Variants in TNPO1 observed in about 807,000 individuals in gnomAD.
TNPO1 encodes transportin-1.
A neutral mutation model predicts 119.5 loss-of-function variants in TNPO1; 8 were observed. The ratio of observed to expected loss-of-function variants is 0.07; its 90% confidence interval spans 0.04 to 0.12. The LOEUF is 0.12. Ranked by LOEUF, TNPO1 falls within the 10% of genes least tolerant of loss-of-function variation. The pLI, the probability that TNPO1 is intolerant of heterozygous loss-of-function variation, is 1.00. For synonymous variants in TNPO1, 362 were observed against 363.0 expected, an observed-to-expected ratio of 1.00 and a Z score of 0.03; for missense variants, 576 against 1,089.8, an observed-to-expected ratio of 0.53 and a Z score of 6.64.
At chr5:72,872,591 G>A (rs762915761) in intron 6 of TNPO1, 48 bp from the exon 7 acceptor site, 2 of 1,373,704 alleles carry the variant, frequency 1.5e-6, no homozygotes, top group African/African-American at 2.9e-5. Flanking sequence ...TCTATAGATA[G>A]AACAAAGTTA....
chr5:72,890,231 T>A (rs1053135864), intron 14 of TNPO1, among the ~76,000 whole-genome samples: 5 of 152,210 alleles, frequency 3.3e-5, no homozygotes, highest in Non-Finnish European at 7.3e-5. Flanking sequence ...TAAAAAAGTT[T>A]TTATAATCTG....
At position 72,889,867 on chromosome 5, in the gene TNPO1, A is replaced by G. The variant is rs761566611; in HGVS notation, c.1611A>G (p.Ala537=). 8.7e-6 allele frequency: 14 copies of G among 1,612,968 alleles called. No individual in the cohort carries two copies. The highest frequency in any genetic ancestry group is 5.0e-5 in the Admixed American group (3 of 59,884). The part of the protein sequence containing the change: ...LAYILDTLVF[A]FSKYQHKNLL... ...ATATACTTGATACCCTGGTCTTTGC[A>G]TTTAGTAAATACCAGCATAAGAACC... Residue 537 remains alanine, a synonymous_variant, in exon 14 of 25, where the codon GCA becomes GCG. Transcript: ENST00000337273.
intron 1 of TNPO1, among the ~76,000 whole-genome samples, chr5:72,819,084 A>ATTAT (rs1410635814): frequency 1.3e-5 from 2 of 152,168 alleles, no homozygotes; most frequent in Non-Finnish European, 2.9e-5. Context: ...GAAGAGGTTT[A>ATTAT]TTATTTAGCT....
At chr5:72,900,271 T>C (rs1355789472) in intron 21 of TNPO1, among the ~76,000 whole-genome samples, 190 bp downstream of exon 21, 1 of 152,208 alleles carries the variant, frequency 6.6e-6, no homozygotes, top group Non-Finnish European at 1.5e-5. Flanking sequence ...TTATTTTATG[T>C]TGTGGCTAAC....
In TNPO1 at chr5:72,875,561, T is replaced by C. The variant is rs80134233; in HGVS notation, c.679-54T>C. 4.7e-4 allele frequency: 741 copies of C among 1,572,594 alleles called. No homozygotes were observed. The African/African-American group carries it at 7.3e-3, about 16-fold the overall frequency. On this transcript the variant is annotated intron_variant, in intron 7 of 24. Transcript: ENST00000337273. Reference sequence around the variant, plus strand: ...ATGTCACCAACTTGCAGATTACTTATTACTTGTGTGTAAGCCTTTCTAAAA... The same window carrying C: ...ATGTCACCAACTTGCAGATTACTTACTACTTGTGTGTAAGCCTTTCTAAAA...
intron 20 of TNPO1, among the ~76,000 whole-genome samples, chr5:72,897,854 T>C (rs1485287752): frequency 1.3e-5 from 2 of 152,122 alleles, no homozygotes; most frequent in South Asian, 2.1e-4. Context: ...ATAATTTATT[T>C]ATAATTCAAT....
chr5:72,888,872 CTG>C (rs1264946303), intron 13 of TNPO1, among the ~76,000 whole-genome samples: 13 of 152,244 alleles, frequency 8.5e-5, no homozygotes, highest in Non-Finnish European at 1.5e-5. Flanking sequence ...GGTTTGGTGG[CTG>C]TCTCTTTATA....
chr5:72,817,306 C>T (rs1743739898), intron 1 of TNPO1, among the ~76,000 whole-genome samples: 1 of 152,186 alleles, frequency 6.6e-6, no homozygotes, highest in African/African-American at 2.4e-5. Context: ...GCCTCTTGGC[C>T]TCACGACATG....
intron 22 of TNPO1, among the ~76,000 whole-genome samples, chr5:72,901,770 A>G (rs1053493763): frequency 2.0e-5 from 3 of 152,214 alleles, no homozygotes; most frequent in Non-Finnish European, 2.9e-5. Context: ...GTTTAAGGAA[A>G]AGAAAGCGTG....
chr5:72,872,719 A>G lies in TNPO1; in HGVS notation c.677A>G (p.Glu226Gly). 6.3e-7 allele frequency: 1 copy of G among 1,596,154 alleles called. No homozygotes were observed. The highest frequency in any genetic ancestry group is 8.5e-7 in the Non-Finnish European group (1 of 1,171,992). ...ATGTTGCACATTGATTCTTTTATTG[A>G]GGTAAGACTTGTTCTTGTCTCCCTC... Reference protein sequence around the residue: ...ALMLHIDSFIENLFALAGDEE... With the variant: ...ALMLHIDSFIGNLFALAGDEE... The change falls in exon 7 of 25, where the codon GAG (glutamate) becomes GGG (glycine). Residue 226 changes from glutamate to glycine, a missense_variant and splice_region_variant. By Grantham distance (98) the Glu-to-Gly change is moderately conservative. This residue lies in a region of TNPO1 where 310 missense variants were observed against 583.0 expected (regional missense o/e 0.53). Coordinates refer to ENST00000337273, the MANE Select transcript of TNPO1 (RefSeq NM_002270.4).
chr5:72,847,671 C>T (rs1745192481), intron 1 of TNPO1, among the ~76,000 whole-genome samples: 1 of 152,042 alleles, frequency 6.6e-6, no homozygotes, highest in African/African-American at 2.4e-5. Context: ...AATTTATTTC[C>T]CTTAATAGGA....
chr5:72,868,458 A>AC (rs777811047), intron 6 of TNPO1, among the ~76,000 whole-genome samples: 3,401 of 113,388 alleles, frequency 0.03, 348 homozygotes, highest in Non-Finnish European at 0.054. Context: ...AAAAAAAAAA[A>AC]ACACAAAATA....
intron 7 of TNPO1, among the ~76,000 whole-genome samples, chr5:72,873,420 AGGGGG>A (rs926862046): frequency 6.6e-6 from 1 of 152,104 alleles, no homozygotes; most frequent in African/African-American, 2.4e-5. Context: ...AAGGAAGAGT[AGGGGG>A]GGTTACGTTA....
chr5:72,897,284 T>G (rs1216138128), intron 20 of TNPO1, 133 bp downstream of exon 20: 1 of 608,294 alleles, frequency 1.6e-6, no homozygotes, highest in Non-Finnish European at 2.9e-6. Flanking sequence ...TTTCGGATTT[T>G]CAGTAATGAA....
chr5:72,885,352 T>G (rs1027659277), intron 11 of TNPO1, among the ~76,000 whole-genome samples: 1 of 152,176 alleles, frequency 6.6e-6, no homozygotes, highest in Admixed American at 6.5e-5. Context: ...ACTTTCAGAT[T>G]AGGGGAGCAG....
intron 1 of TNPO1, among the ~76,000 whole-genome samples, chr5:72,836,341 C>T (rs1744693375): frequency 6.6e-6 from 1 of 152,198 alleles, no homozygotes; most frequent in Middle Eastern, 3.2e-3. Context: ...ACAGCTTATG[C>T]ATTCTGTGCA....
intron 1 of TNPO1, among the ~76,000 whole-genome samples, chr5:72,835,166 T>C (rs1283078438): frequency 2.0e-5 from 3 of 152,222 alleles, no homozygotes; most frequent in African/African-American, 7.2e-5. Context: ...TCCCTGTCCT[T>C]AACTGACACA....
rs761760408 is a variant in TNPO1, at chr5:72,882,521, A to G, written c.975A>G (p.Leu325=). 50 of 1,607,970 alleles carry G rather than the reference A, an allele frequency of 3.1e-5. No individual in the cohort carries two copies. Among genetic ancestry groups the G allele is most frequent in the Middle Eastern group, 3.3e-4 (2 of 6,066 alleles). The change falls in exon 10 of 25, where the codon CTA becomes CTG. Residue 325 remains leucine, a synonymous_variant. Coordinates refer to ENST00000337273, the MANE Select transcript of TNPO1 (RefSeq NM_002270.4). ...GMKYSDIDII[L]LKGDVEEDET... ...AGTACTCAGACATAGATATTATCCT[A>G]CTTAAGGTAAGGAAGCTTTTTTGAT... is the stretch of plus-strand genomic sequence containing the variant.
chr5:72,862,993 TGTGTG>T (rs1250669318), intron 5 of TNPO1, among the ~76,000 whole-genome samples: 2 of 14,180 alleles, frequency 1.4e-4, no homozygotes, highest in African/African-American at 8.0e-4. Context: ...TGTGGGTTTT[TGTGTG>T]TGTGTGTGTG....
Sources: gnomAD v4.1 joint callset for allele counts (sites outside exome capture counted in the v4.1 genomes callset) on GRCh38, gnomAD v4.1.1 for gene constraint, gnomAD v4.1.1 regional missense constraint, MANE v1.5 for transcripts, NCBI Gene and HGNC (gene_info 2026-07-23, HGNC 2026-07-21) for gene names.